Variants in MYLK observed in about 807,000 individuals in gnomAD.
MYLK encodes myosin light chain kinase.
In MYLK, 106 loss-of-function variants were observed where a neutral mutation model predicts 203.4. That is an observed-to-expected ratio of 0.52 (90% CI 0.45 to 0.61). The LOEUF (loss-of-function observed/expected upper bound fraction) is 0.61. MYLK is among the 20% of genes least tolerant of loss of function. The pLI, the probability that MYLK is intolerant of heterozygous loss-of-function variation, is 0.00. For synonymous variants in MYLK, 867 were observed against 959.5 expected, an observed-to-expected ratio of 0.90 and a Z score of 1.78; for missense variants, 2,072 against 2,442.3, an observed-to-expected ratio of 0.85 and a Z score of 3.20.
At chr3:123,837,476 T>G (rs552227742) in intron 2 of MYLK, among the ~76,000 whole-genome samples, 14 of 147,782 alleles carry the variant, frequency 9.5e-5, no homozygotes, top group African/African-American at 3.4e-4. Flanking sequence ...TATATATACA[T>G]ATTATATATA....
chr3:123,719,952 C>T (rs532066684), intron 13 of MYLK, among the ~76,000 whole-genome samples: 3 of 152,298 alleles, frequency 2.0e-5, no homozygotes, highest in East Asian at 3.9e-4. Context: ...CTCAGGGCAC[C>T]GTGCCAGGGG....
intron 4 of MYLK, among the ~76,000 whole-genome samples, chr3:123,755,873 G>A (rs2063343912): frequency 6.6e-6 from 1 of 152,200 alleles, no homozygotes; most frequent in African/African-American, 2.4e-5. Flanking sequence ...TGACGGAGAT[G>A]TCTTTGGTTT....
intron 6 of MYLK, 121 bp downstream of exon 6, chr3:123,739,832 G>C: frequency 1.8e-6 from 2 of 1,095,062 alleles, no homozygotes; most frequent in Non-Finnish European, 2.8e-6. Context: ...CATTGTACTA[G>C]GCTCCCGCCC....
chr3:123,864,985 C>A (rs2032228958), intron 2 of MYLK, among the ~76,000 whole-genome samples: 1 of 152,158 alleles, frequency 6.6e-6, no homozygotes, highest in South Asian at 2.1e-4. Flanking sequence ...CACATCCCTC[C>A]CCTTGCTGGC....
chr3:123,780,701 A>C lies in MYLK; in HGVS notation c.165+12976T>G, dbSNP rs2064263223. On this transcript the variant is annotated intron_variant, in intron 4 of 33. Coordinates refer to ENST00000360304, the MANE Select transcript of MYLK (RefSeq NM_053025.4). Reference sequence around the variant, plus strand: ...AGTAAACACGTTTGCAAATGACAGCACTTTGGCATCACGGGCTGACTGCAG... The same window carrying C: ...AGTAAACACGTTTGCAAATGACAGCCCTTTGGCATCACGGGCTGACTGCAG... 1.3e-5 allele frequency among the ~76,000 whole-genome samples: 2 copies of C among 152,324 alleles called. 1 individual carries two copies. The highest frequency in any genetic ancestry group is 4.1e-4 in the South Asian group (2 of 4,826).
At chr3:123,796,634 T>G (rs775714319) in intron 3 of MYLK, among the ~76,000 whole-genome samples, 46 of 152,120 alleles carry the variant, frequency 3.0e-4, no homozygotes, top group Admixed American at 1.7e-3. Flanking sequence ...ACCTGAACAA[T>G]GCACAGAGGA....
At chr3:123,859,987 AGAAG>A (rs2031753343) in intron 2 of MYLK, among the ~76,000 whole-genome samples, 3 of 152,018 alleles carry the variant, frequency 2.0e-5, no homozygotes, top group Non-Finnish European at 4.4e-5. Flanking sequence ...ACTCCCCCTC[AGAAG>A]GAAGGAAAAA....
At chr3:123,764,729 A>G (rs1258557194) in intron 4 of MYLK, among the ~76,000 whole-genome samples, 1 of 152,220 alleles carries the variant, frequency 6.6e-6, no homozygotes, top group East Asian at 1.9e-4. Context: ...GGTCTGGGGC[A>G]TGGACTACAG....
rs1475981336 is a variant in MYLK, at chr3:123,611,368, C to A, written c.*2737G>T. On this transcript the variant is annotated 3_prime_UTR_variant, in exon 34 of 34. Transcript: ENST00000360304. ...CTTCAATATGAAGGTATGGATAAAG[C>A]ATTTGGCTGCCAATAATGAACTGCA... 6.6e-6 allele frequency: 1 copy of A among 152,138 alleles called. No individual in the cohort carries two copies. The highest frequency in any genetic ancestry group is 6.6e-5 in the Admixed American group (1 of 15,264). The allele number at this position is 152,138 out of a possible 1,614,324, so 9.4% of individuals were successfully genotyped here. A position where few individuals can be genotyped will look rare whatever the true frequency, so the allele number is the denominator to read the frequency against.
rs768335085 is a variant in MYLK at position 123,700,326 on chromosome 3, T to C, written c.3142A>G (p.Lys1048Glu). Residue 1048 changes from lysine (K) to glutamate (E), a missense_variant, in exon 18 of 34, where the codon AAG becomes GAG. Transcript: ENST00000360304. ...MGNAKPAETL[K>E]PMGNAKPDEN... ...TCAGGCTTGGCATTGCCCATGGGCT[T>C]CAGGGTCTCGGCAGGCTTGGCGTTG... 2.5e-6 allele frequency: 4 copies of C among 1,613,990 alleles called. No individual in the cohort carries two copies. In the East Asian group the frequency reaches 8.9e-5, roughly 36 times the overall value.
At chr3:123,777,841 C>A (rs1027551043) in intron 4 of MYLK, among the ~76,000 whole-genome samples, 3 of 152,202 alleles carry the variant, frequency 2.0e-5, no homozygotes, top group Non-Finnish European at 2.9e-5. Context: ...TATACCCACA[C>A]GTGATCTCCA....
rs1342831140 is a variant in MYLK, at chr3:123,700,535, G to C, written c.2933C>G (p.Thr978Ser). Residue 978 changes from threonine to serine, a missense_variant, in exon 18 of 34, where the codon ACC becomes AGC. This residue lies in a region of MYLK where 865 missense variants were observed against 1,016.0 expected (regional missense o/e 0.85). Coordinates refer to ENST00000360304, the MANE Select transcript of MYLK (RefSeq NM_053025.4). ...PEKVPPPKPATPDFRSVLGGK... is the reference protein window; with the variant it reads ...PEKVPPPKPASPDFRSVLGGK... ...ACCCAGCACTGAGCGAAAATCCGGG[G>C]TGGCAGGTTTTGGCGGTGGCACCTT... is the stretch of plus-strand genomic sequence containing the variant. 5.0e-6 allele frequency: 8 copies of C among 1,613,646 alleles called. No homozygotes were observed. Among genetic ancestry groups the C allele is most frequent in the Non-Finnish European group, 5.9e-6 (7 of 1,179,732 alleles).
intron 4 of MYLK, among the ~76,000 whole-genome samples, chr3:123,789,569 G>A (rs1195956270): frequency 1.3e-5 from 2 of 150,970 alleles, no homozygotes; most frequent in African/African-American, 4.9e-5. Flanking sequence ...CGGGAAGAGG[G>A]ATCTGGTTGC....
chr3:123,804,900 T>C (rs182873291), intron 3 of MYLK, among the ~76,000 whole-genome samples: 4 of 152,240 alleles, frequency 2.6e-5, no homozygotes, highest in African/African-American at 4.8e-5. Flanking sequence ...CTCCTTTCCA[T>C]GTGAGCCTAA....
intron 2 of MYLK, among the ~76,000 whole-genome samples, chr3:123,847,625 T>C (rs942445994): frequency 1.1e-4 from 16 of 152,154 alleles, no homozygotes; most frequent in African/African-American, 3.1e-4. Context: ...CAATTGTGAA[T>C]GAGTGCTAAA....
intron 16 of MYLK, 131 bp from the exon 17 acceptor site, chr3:123,701,640 C>A: frequency 2.4e-6 from 2 of 841,134 alleles, no homozygotes; most frequent in South Asian, 1.4e-5. Context: ...GACATTCACC[C>A]CAGCCTTAGA....
intron 19 of MYLK, among the ~76,000 whole-genome samples, chr3:123,683,743 G>C (rs956218965): frequency 2.0e-5 from 3 of 152,160 alleles, no homozygotes; most frequent in African/African-American, 7.2e-5. Context: ...CCCCACCAAA[G>C]ACAGCCGAAA....
At chr3:123,728,791 A>G (rs1663222311) in intron 11 of MYLK, among the ~76,000 whole-genome samples, 1 of 152,152 alleles carries the variant, frequency 6.6e-6, no homozygotes, top group Admixed American at 6.5e-5. Context: ...TGCGTAAGAG[A>G]ATGGTCACTA....
intron 2 of MYLK, among the ~76,000 whole-genome samples, chr3:123,861,941 C>T (rs1433176984): frequency 2.0e-5 from 3 of 152,234 alleles, no homozygotes; most frequent in Non-Finnish European, 4.4e-5. Flanking sequence ...ACCCCTTCCG[C>T]AGGCAGGAGT....
Sources: allele counts gnomAD v4.1 joint callset (sites outside exome capture counted in the v4.1 genomes callset), GRCh38; gene constraint gnomAD v4.1.1; regional missense constraint gnomAD v4.1.1; transcripts MANE v1.5; gene names NCBI Gene and HGNC (gene_info 2026-07-23, HGNC 2026-07-21).